The following RIC8B variants were observed in gnomAD, a reference collection of about 807,000 sequenced individuals.
RIC8B encodes the protein chaperone Ric-8B.
RIC8B carries 16 observed loss-of-function variants against 57.5 expected under a neutral mutation model. The observed-to-expected ratio is 0.28, with a 90% CI of 0.19 to 0.42. RIC8B has a LOEUF of 0.42. Ranked by LOEUF, RIC8B falls within the 10% of genes least tolerant of loss-of-function variation. RIC8B has a pLI of 1.00. For missense variants in RIC8B, 481 were observed against 677.0 expected (o/e 0.71, Z 3.21); for synonymous variants, 216 against 250.8 (o/e 0.86, Z 1.31).
At chr12:106,850,238 C>T (rs145995225) in intron 6 of RIC8B, among the ~76,000 whole-genome samples, 42 of 152,306 alleles carry the variant, frequency 2.8e-4, no homozygotes, top group African/African-American at 9.6e-4. Context: ...TGAAACTGGC[C>T]AAGTCCCTGG....
intron 4 of RIC8B, among the ~76,000 whole-genome samples, chr12:106,839,025 G>A (rs1205629425): frequency 6.7e-6 from 1 of 150,018 alleles, no homozygotes; most frequent in Non-Finnish European, 1.5e-5. Context: ...AAAGATAATC[G>A]ATGGTAAGGA....
intron 2 of RIC8B, among the ~76,000 whole-genome samples, chr12:106,786,804 A>G (rs2044051378): frequency 6.6e-6 from 1 of 152,130 alleles, no homozygotes; most frequent in South Asian, 2.1e-4. Context: ...AAAAAAAAAA[A>G]GCAAGGTGTT....
chr12:106,823,269 A>C lies in RIC8B; in HGVS notation c.742-2457A>C, dbSNP rs183708536. On this transcript the variant is annotated intron_variant, in intron 3 of 9. Coordinates refer to ENST00000392837, the MANE Select transcript of RIC8B (RefSeq NM_001330145.2). ...AGAGTCTTCTCGGAGAAGATACTTT[A>C]GCTGAAACCTGGAGTATGCAAAGGA... 67 of 277,982 alleles carry C rather than the reference A, an allele frequency of 2.4e-4. No individual in the cohort carries two copies. The Admixed American group carries it at 2.9e-3, about 12-fold the overall frequency. 17.2% of individuals were successfully genotyped at this position (277,982 alleles called of 1,614,324 possible). A position where few individuals can be genotyped will look rare whatever the true frequency, so the allele number is the denominator to read the frequency against.
intron 8 of RIC8B, among the ~76,000 whole-genome samples, chr12:106,864,879 T>G (rs138958792): frequency 1.1e-3 from 172 of 152,280 alleles, no homozygotes; most frequent in African/African-American, 3.8e-3. Context: ...CTCTATGGAA[T>G]CTAAGAATCT....
chr12:106,779,266 C>G (rs1380562781), intron 1 of RIC8B, among the ~76,000 whole-genome samples: 67 of 136,066 alleles, frequency 4.9e-4, no homozygotes, highest in African/African-American at 1.8e-3. Flanking sequence ...GAGTCTCATT[C>G]TGCCGCCCAG....
intron 2 of RIC8B, among the ~76,000 whole-genome samples, chr12:106,784,453 C>T (rs1361556922): frequency 6.6e-6 from 1 of 152,216 alleles, no homozygotes; most frequent in East Asian, 1.9e-4. Context: ...TAACCCCAGA[C>T]TCCTGGGCTC....
At chr12:106,781,935 A>G (rs1002115678) in intron 1 of RIC8B, among the ~76,000 whole-genome samples, 8 of 152,114 alleles carry the variant, frequency 5.3e-5, no homozygotes, top group Non-Finnish European at 5.9e-5. Flanking sequence ...TTTAAGTCTA[A>G]TGTTAATTTT....
In RIC8B at chr12:106,883,868, T is replaced by C. The variant is rs538137231; in HGVS notation, c.1572-2036T>C. On this transcript the variant is annotated intron_variant, in intron 9 of 9. Coordinates refer to ENST00000392837, the MANE Select transcript of RIC8B (RefSeq NM_001330145.2). ...TTGGCATTTAAGACATTTTTGACTATTGCATCCCAAACTACCCTTGCAGCC... is the reference window on the plus strand; with the variant it reads ...TTGGCATTTAAGACATTTTTGACTACTGCATCCCAAACTACCCTTGCAGCC... Among the ~76,000 whole-genome samples, 13 of 152,310 alleles carry C rather than the reference T, an allele frequency of 8.5e-5. No homozygotes were observed. The East Asian group carries it at 2.5e-3, about 29-fold the overall frequency.
At chr12:106,781,526 A>G (rs2043762600) in intron 1 of RIC8B, among the ~76,000 whole-genome samples, 1 of 152,224 alleles carries the variant, frequency 6.6e-6, no homozygotes, top group Non-Finnish European at 1.5e-5. Context: ...TGAGCTTCTG[A>G]ATAGATTGGC....
chr12:106,845,399 C>T (rs917340069), intron 6 of RIC8B, among the ~76,000 whole-genome samples: 12 of 152,136 alleles, frequency 7.9e-5, no homozygotes, highest in Non-Finnish European at 1.5e-5. Context: ...CCTGTTTCAT[C>T]ATGAAATTAA....
chr12:106,835,979 A>G (rs1287258937), intron 4 of RIC8B, among the ~76,000 whole-genome samples: 1 of 152,104 alleles, frequency 6.6e-6, no homozygotes, highest in Non-Finnish European at 1.5e-5. Context: ...TGATTCCTCT[A>G]CTGTTCTTTT....
At chr12:106,856,539 C>T (rs985722821) in intron 7 of RIC8B, among the ~76,000 whole-genome samples, 8 of 152,210 alleles carry the variant, frequency 5.3e-5, no homozygotes, top group African/African-American at 1.2e-4. Context: ...CCATGGCGAG[C>T]TTTACTTATC....
intron 6 of RIC8B, among the ~76,000 whole-genome samples, chr12:106,845,145 C>T (rs901205582): frequency 6.6e-6 from 1 of 152,180 alleles, no homozygotes; most frequent in Non-Finnish European, 1.5e-5. Flanking sequence ...CTCCCTCAGT[C>T]GTACTCACCT....
intron 2 of RIC8B, among the ~76,000 whole-genome samples, chr12:106,790,057 T>G (rs1393009527): frequency 6.6e-6 from 1 of 152,220 alleles, no homozygotes; most frequent in African/African-American, 2.4e-5. Flanking sequence ...TTACCGGTAG[T>G]GCTGTAAGTA....
rs142893452 is a variant in RIC8B, at chr12:106,784,639, A to C, written c.132+595A>C. 1.5e-3 allele frequency among the ~76,000 whole-genome samples: 228 copies of C among 152,338 alleles called. 2 individuals are homozygous for C. Among genetic ancestry groups the C allele is most frequent in the African/African-American group, 5.5e-3 (228 of 41,582 alleles). ...TAACCTCCCAAAGTGCTGGGATTAC[A>C]GGTGTGAGCTACCATGCCTGGCCCT... On this transcript the variant is annotated intron_variant, in intron 2 of 9. Transcript: ENST00000392837.
In RIC8B at chr12:106,774,811, G is replaced by A. The variant is rs1221448712; in HGVS notation, c.66G>A (p.Leu22=). The change falls in exon 1 of 10, where the codon CTG becomes CTA. Residue 22 remains leucine (L), a synonymous_variant. Transcript: ENST00000392837. ...AAGCAGGGGCTATCGAGCGGGTCCT[G>A]AGGGATTACAGCGACAAGGTAAAGA... ...AGEAGAIERV[L]RDYSDKHRAT... 4.5e-6 allele frequency: 7 copies of A among 1,553,926 alleles called. No homozygotes were observed. The highest frequency in any genetic ancestry group is 4.9e-5 in the East Asian group (2 of 41,174).
intron 2 of RIC8B, among the ~76,000 whole-genome samples, chr12:106,812,228 T>C (rs1289771325): frequency 1.3e-5 from 2 of 152,186 alleles, no homozygotes; most frequent in Non-Finnish European, 2.9e-5. Context: ...AAAAATCTTG[T>C]CTTTGCTTGC....
intron 4 of RIC8B, among the ~76,000 whole-genome samples, chr12:106,833,864 C>G (rs183171292): frequency 6.6e-6 from 1 of 152,176 alleles, no homozygotes; most frequent in Admixed American, 6.5e-5. Flanking sequence ...GCTGTCCTCC[C>G]CATAACAAGT....
In RIC8B at chr12:106,793,051, G is replaced by A. The variant is rs148806685; in HGVS notation, c.132+9007G>A. ...AATTCTGGATAAGTGTAGCTGAGAG[G>A]TGGGTCTTACCTCCTTCCATTCTGC... On this transcript the variant is annotated intron_variant, in intron 2 of 9. Coordinates refer to ENST00000392837, the MANE Select transcript of RIC8B (RefSeq NM_001330145.2). Among the ~76,000 whole-genome samples the A allele has an allele frequency of 5.3e-5, 8 of 152,262 alleles. No homozygotes were observed. The East Asian group carries it at 1.5e-3, about 29-fold the overall frequency.
Sources: gnomAD v4.1 joint callset for allele counts (sites outside exome capture counted in the v4.1 genomes callset) on GRCh38, gnomAD v4.1.1 for gene constraint, MANE v1.5 for transcripts, NCBI Gene and HGNC (gene_info 2026-07-23, HGNC 2026-07-21) for gene names.